Variants in IL1RAPL1 observed in about 807,000 individuals in gnomAD.
IL1RAPL1 encodes interleukin 1 receptor accessory protein like 1.
A neutral mutation model predicts 48.4 loss-of-function variants in IL1RAPL1; 3 were observed. That is an observed-to-expected ratio of 0.06 (90% CI 0.03 to 0.16). IL1RAPL1 has a LOEUF of 0.16. Ranked by LOEUF, IL1RAPL1 falls within the 10% of genes least tolerant of loss-of-function variation. The pLI is 1.00. For synonymous variants in IL1RAPL1, 185 were observed against 187.7 expected (o/e 0.99, Z 0.12); for missense variants, 349 against 530.6 (o/e 0.66, Z 3.36).
At chrX:29,361,864 C>T (rs1933381176) in intron 3 of IL1RAPL1, among the ~76,000 whole-genome samples, 1 of 111,769 alleles carries the variant, frequency 8.9e-6, no homozygotes, top group Non-Finnish European at 1.9e-5. Context: ...GTTGCAGTTG[C>T]CTATTATAAT....
intron 2 of IL1RAPL1, among the ~76,000 whole-genome samples, chrX:28,797,518 G>A (rs186921649): frequency 2.7e-5 from 3 of 111,376 alleles, no homozygotes; most frequent in Admixed American, 9.5e-5. Flanking sequence ...CAAATCTCTA[G>A]GGCAGGGGCA....
chrX:29,789,557 G>C (rs748894217), intron 6 of IL1RAPL1, among the ~76,000 whole-genome samples: 1 of 111,695 alleles, frequency 9.0e-6, no homozygotes, highest in African/African-American at 3.2e-5. Context: ...TGTTCTGGGT[G>C]ATCAGTAACT....
intron 6 of IL1RAPL1, among the ~76,000 whole-genome samples, chrX:29,907,039 A>C (rs1272373304): frequency 1.8e-5 from 2 of 111,855 alleles, no homozygotes; most frequent in African/African-American, 6.5e-5. Flanking sequence ...TGCAAGAAAA[A>C]GCAAAGTTAA....
At chrX:29,459,792 C>T (rs1392857187) in intron 5 of IL1RAPL1, among the ~76,000 whole-genome samples, 1 of 111,832 alleles carries the variant, frequency 8.9e-6, no homozygotes, top group Non-Finnish European at 1.9e-5. Context: ...CTACTCTAAG[C>T]AATTCTAAAG....
At chrX:28,981,414 C>T (rs189758367) in intron 2 of IL1RAPL1, among the ~76,000 whole-genome samples, 122 of 110,606 alleles carry the variant, frequency 1.1e-3, no homozygotes, top group Middle Eastern at 4.7e-3. Flanking sequence ...TCTTTCAGGA[C>T]CCCTGAACCA....
chrX:28,649,248 C>T lies in IL1RAPL1; in HGVS notation c.-25+61201C>T, dbSNP rs190956508. ...TTCATCAAAGTATTCCAAGGGCCTG[C>T]GGCGGTATTTGGCCCACAGTAATCA... On this transcript the variant is annotated intron_variant, in intron 1 of 10. Coordinates refer to ENST00000378993, the MANE Select transcript of IL1RAPL1 (RefSeq NM_014271.4). Among the ~76,000 whole-genome samples, 12 of 111,959 alleles carry T rather than the reference C, an allele frequency of 1.1e-4. No individual in the cohort carries two copies. In the East Asian group the frequency reaches 2.2e-3, roughly 21 times the overall value.
chrX:29,284,597 T>C (rs1012024980), intron 3 of IL1RAPL1, among the ~76,000 whole-genome samples: 3 of 110,820 alleles, frequency 2.7e-5, no homozygotes, highest in African/African-American at 9.9e-5. Context: ...ACAAAAAAAT[T>C]AGCCGAGGAT....
intron 5 of IL1RAPL1, among the ~76,000 whole-genome samples, chrX:29,436,653 A>G (rs1934485365): frequency 9.1e-6 from 1 of 109,801 alleles, no homozygotes; most frequent in Non-Finnish European, 1.9e-5. Flanking sequence ...AAGAGAGTCA[A>G]TCTAGGAATA....
chrX:28,919,513 A>C (rs992055304), intron 2 of IL1RAPL1, among the ~76,000 whole-genome samples: 5 of 112,318 alleles, frequency 4.5e-5, no homozygotes, highest in Non-Finnish European at 9.4e-5. Flanking sequence ...TTTTTAAAGC[A>C]TGGGCTTTGG....
intron 6 of IL1RAPL1, among the ~76,000 whole-genome samples, chrX:29,753,461 G>A (rs779793895): frequency 5.2e-4 from 58 of 111,721 alleles, no homozygotes; most frequent in Non-Finnish European, 9.0e-4. Flanking sequence ...AACTTTTGTG[G>A]TATTGTTTCA....
chrX:29,608,049 G>T (rs58374284), intron 5 of IL1RAPL1, among the ~76,000 whole-genome samples: 1,285 of 112,318 alleles, frequency 0.011, 24 homozygotes, highest in African/African-American at 0.039. Flanking sequence ...TGACTGGGTG[G>T]TTTTTAATGC....
intron 1 of IL1RAPL1, among the ~76,000 whole-genome samples, chrX:28,677,148 TCATTA>T (rs1935007628): frequency 8.9e-6 from 1 of 112,006 alleles, no homozygotes; most frequent in African/African-American, 3.3e-5. Flanking sequence ...TAAAATTTCT[TCATTA>T]CATCAGTTTT....
intron 2 of IL1RAPL1, among the ~76,000 whole-genome samples, chrX:29,093,240 G>A (rs1307050426): frequency 9.0e-6 from 1 of 111,177 alleles, no homozygotes; most frequent in Non-Finnish European, 1.9e-5. Flanking sequence ...GCATAAGGCT[G>A]GCATCTGCTT....
intron 1 of IL1RAPL1, among the ~76,000 whole-genome samples, chrX:28,700,995 G>A (rs1191096422): frequency 1.8e-5 from 2 of 111,545 alleles, no homozygotes; most frequent in Non-Finnish European, 3.8e-5. Flanking sequence ...GCTATTGTGA[G>A]TGGTGCTGAA....
intron 2 of IL1RAPL1, among the ~76,000 whole-genome samples, chrX:29,186,385 A>G (rs1247865153): frequency 8.9e-6 from 1 of 111,954 alleles, no homozygotes; most frequent in African/African-American, 3.2e-5. Context: ...CACCTTGAGT[A>G]CAATCCTTTA....
At chrX:28,830,858 A>G (rs748335256) in intron 2 of IL1RAPL1, among the ~76,000 whole-genome samples, 127 of 110,190 alleles carry the variant, frequency 1.2e-3, no homozygotes, top group Non-Finnish European at 1.9e-3. Context: ...TCCTTAACTA[A>G]TTTTGCAGAG....
chrX:29,372,143 T>C (rs1017241059), intron 3 of IL1RAPL1, among the ~76,000 whole-genome samples: 1 of 112,338 alleles, frequency 8.9e-6, no homozygotes, highest in Non-Finnish European at 1.9e-5. Flanking sequence ...TGGTATTTCA[T>C]TGTGGCTTTG....
intron 2 of IL1RAPL1, among the ~76,000 whole-genome samples, chrX:28,923,073 T>C (rs1923652705): frequency 8.9e-6 from 1 of 112,384 alleles, no homozygotes; most frequent in African/African-American, 3.2e-5. Context: ...ATTTTCAACT[T>C]TTATTTCAAT....
chrX:29,674,028 C>A (rs1311273388), intron 6 of IL1RAPL1, among the ~76,000 whole-genome samples: 1 of 112,409 alleles, frequency 8.9e-6, no homozygotes, highest in Non-Finnish European at 1.9e-5. Flanking sequence ...CAAATTCAGT[C>A]ACTTTTTGGT....
Sources: gnomAD v4.1 joint callset for allele counts (sites outside exome capture counted in the v4.1 genomes callset) on GRCh38, gnomAD v4.1.1 for gene constraint, MANE v1.5 for transcripts, NCBI Gene and HGNC (gene_info 2026-07-23, HGNC 2026-07-21) for gene names.